Variants in EHD1 observed in about 807,000 individuals in gnomAD.
EHD1 encodes EH domain containing 1.
A neutral mutation model predicts 39.0 loss-of-function variants in EHD1; 19 were observed. That is an observed-to-expected ratio of 0.49 (90% confidence interval 0.34 to 0.72). The LOEUF (loss-of-function observed/expected upper bound fraction) is 0.72, where lower values mean the gene tolerates loss of function less well. Among genes scored for constraint, EHD1 ranks in the 30% least tolerant of loss-of-function variants. EHD1 has a pLI of 0.01. For missense variants in EHD1, 542 were observed against 751.5 expected, an observed-to-expected ratio of 0.72 and a Z score of 3.26; for synonymous variants, 323 against 331.2, an observed-to-expected ratio of 0.98 and a Z score of 0.27.
intron 2 of EHD1, among the ~76,000 whole-genome samples, chr11:64,869,505 A>G (rs959865651): frequency 5.3e-5 from 8 of 152,238 alleles, no homozygotes; most frequent in African/African-American, 1.9e-4. Context: ...TCTCTTGACT[A>G]TGAACCAGCT....
At chr11:64,856,469 C>A (rs1943654804) in intron 3 of EHD1, 1 of 152,310 alleles carries the variant, frequency 6.6e-6, no homozygotes, top group Non-Finnish European at 1.5e-5. Context: ...CAGGGCGGCA[C>A]CCCCTTCATT....
rs562476949 is a variant in EHD1 at position 64,854,078 on chromosome 11, C to T, written c.*255G>A. 52 of 635,070 alleles carry T rather than the reference C, an allele frequency of 8.2e-5. No individual in the cohort carries two copies. The highest frequency in any genetic ancestry group is 1.1e-4 in the Non-Finnish European group (44 of 384,308). 39.3% of individuals were successfully genotyped at this position (635,070 alleles called of 1,614,324 possible). On this transcript the variant is annotated 3_prime_UTR_variant, in exon 5 of 5. Coordinates refer to ENST00000320631, the MANE Select transcript of EHD1 (RefSeq NM_006795.4). The stretch of plus-strand genomic sequence containing the variant: ...CAGGGCTGGCACACAGGGGAGGCGG[C>T]GACAAAGAACGCAGCCTCTAACGTT...
chr11:64,877,978 G>A (rs1204004201), intron 1 of EHD1, 83 bp downstream of exon 1: 1 of 1,374,890 alleles, frequency 7.3e-7, no homozygotes, highest in Non-Finnish European at 9.5e-7. Context: ...GGACGGCGGG[G>A]CGACAGCCAC....
At chr11:64,861,274 A>C (rs1442763661) in intron 2 of EHD1, among the ~76,000 whole-genome samples, 3 of 152,022 alleles carry the variant, frequency 2.0e-5, no homozygotes, top group Admixed American at 2.0e-4. Context: ...CCCCCACCAT[A>C]ACACTCCCCA....
chr11:64,855,343 G>C lies in EHD1; in HGVS notation c.1059C>G (p.Phe353Leu). 6.2e-7 allele frequency: 1 copy of C among 1,614,028 alleles called. No homozygotes were observed. The highest frequency in any genetic ancestry group is 1.1e-5 in the South Asian group (1 of 91,086). Residue 353 changes from phenylalanine to leucine, a missense_variant, in exon 4 of 5, where the codon TTC becomes TTG. By Grantham distance (22) the Phe-to-Leu change is conservative. Transcript: ENST00000320631. ...GTACCTGCATCTTGCGGAGGCTCGG[G>C]AAGTCCCCAGGGGAGATCTGGTGCT... Reference protein sequence around the residue: ...EREHQISPGDFPSLRKMQELL... With the variant: ...EREHQISPGDLPSLRKMQELL...
intron 2 of EHD1, among the ~76,000 whole-genome samples, chr11:64,872,375 C>T (rs1484686556): frequency 2.6e-5 from 4 of 152,112 alleles, no homozygotes; most frequent in Admixed American, 1.3e-4. Flanking sequence ...GTGGGAGGAT[C>T]GCTTGAACCA....
In EHD1 at chr11:64,868,256, C is replaced by T. The variant is rs1347390159; in HGVS notation, c.502+6165G>A. 1.4e-4 allele frequency among the ~76,000 whole-genome samples: 22 copies of T among 152,330 alleles called. No individual in the cohort carries two copies. Among genetic ancestry groups the T allele is most frequent in the African/African-American group, 7.2e-5 (3 of 41,564 alleles). ...AGCTCTCCATCACACAGGTTTCCAA[C>T]GCGTGCTGGGCCTCGTTCCTGGGCT... On this transcript the variant is annotated intron_variant, in intron 2 of 4. Transcript: ENST00000320631. This position sits in a 1 kb window ranked among gnomAD's most constrained non-coding sequence, Gnocchi z 4.2.
rs1261318349 is a variant in EHD1 at position 64,860,335 on chromosome 11, G to C, written c.504C>G (p.Gly168=). ...ACTCCAGGACGGCTGCAAAGTCATA[G>C]CCTGGGGGGAAGAGAAGGGAGAGCT... The part of the protein sequence containing the change: ...LSGEKQRISR[G]YDFAAVLEWF... The change falls in exon 3 of 5, where the codon GGC becomes GGG. Residue 168 remains glycine (G), a splice_region_variant and synonymous_variant. Coordinates refer to ENST00000320631, the MANE Select transcript of EHD1 (RefSeq NM_006795.4). 2.5e-6 allele frequency: 4 copies of C among 1,607,640 alleles called. No homozygotes were observed. In the Admixed American group the frequency reaches 6.7e-5, roughly 27 times the overall value.
chr11:64,866,909 A>G (rs1332175757), intron 2 of EHD1, among the ~76,000 whole-genome samples: 2 of 152,122 alleles, frequency 1.3e-5, no homozygotes, highest in African/African-American at 4.8e-5. Context: ...AAGTGCACAG[A>G]AAAGGAATAT....
chr11:64,860,197 G>C lies in EHD1; in HGVS notation c.642C>G (p.Ile214Met). Residue 214 changes from isoleucine to methionine, a missense_variant, in exon 3 of 5, where the codon ATC becomes ATG. Coordinates refer to ENST00000320631, the MANE Select transcript of EHD1 (RefSeq NM_006795.4). ...GGTCTGCCTTGTTCAGCACCACGCG[G>C]ATCTTGTCCTCATGGTTCTTCAGAG... Reference protein sequence around the residue: ...IKALKNHEDKIRVVLNKADQI... With the variant: ...IKALKNHEDKMRVVLNKADQI... The C allele has an allele frequency of 6.2e-7, 1 of 1,614,158 alleles. No homozygotes were observed. The highest frequency in any genetic ancestry group is 8.5e-7 in the Non-Finnish European group (1 of 1,180,042).
intron 2 of EHD1, among the ~76,000 whole-genome samples, chr11:64,866,029 A>T (rs2136488815): frequency 6.6e-6 from 1 of 152,340 alleles, no homozygotes; most frequent in South Asian, 2.1e-4. Flanking sequence ...AGGAAGAGAA[A>T]TCATTCTGCC....
chr11:64,861,718 T>G (rs1943718510), intron 2 of EHD1, among the ~76,000 whole-genome samples: 1 of 152,134 alleles, frequency 6.6e-6, no homozygotes, highest in Non-Finnish European at 1.5e-5. Flanking sequence ...ACAGAAACTA[T>G]AAGGTCTGCA....
At chr11:64,879,445 G>A (rs1041072418), upstream of EHD1, among the ~76,000 whole-genome samples, 3 of 152,196 alleles carry the variant, frequency 2.0e-5, no homozygotes, top group Non-Finnish European at 4.4e-5. Context: ...GTATTGGGAA[G>A]TGAAATCGGA....
rs1342740999 is a variant in EHD1 at position 64,854,223 on chromosome 11, G to A, written c.*110C>T. On this transcript the variant is annotated 3_prime_UTR_variant, in exon 5 of 5. Transcript: ENST00000320631. ...GGTGGTTTTCCTTTTCGAGAGGCGA[G>A]GAAACATCCGCTCAGTCTTTATGGA... The A allele has an allele frequency of 2.8e-6, 4 of 1,437,310 alleles. No homozygotes were observed. Among genetic ancestry groups the A allele is most frequent in the Non-Finnish European group, 2.7e-6 (3 of 1,096,966 alleles). The allele number at this position is 1,437,310 out of a possible 1,614,324, so 89.0% of individuals were successfully genotyped here.
chr11:64,867,592 G>A (rs1026503852), intron 2 of EHD1, among the ~76,000 whole-genome samples: 6 of 152,060 alleles, frequency 3.9e-5, no homozygotes, highest in African/African-American at 7.2e-5. Context: ...GGTGGCAGGC[G>A]CCTGTAATCC....
At position 64,854,630 on chromosome 11, in the gene EHD1, G is replaced by C; in HGVS notation, c.1308C>G (p.Asp436Glu). 6.2e-7 allele frequency: 1 copy of C among 1,613,934 alleles called. No homozygotes were observed. The highest frequency in any genetic ancestry group is 1.3e-5 in the African/African-American group (1 of 75,024). The part of the protein sequence containing the change: ...YGEGAGEGID[D>E]VEWVVGKDKP... Reference sequence around the variant, plus strand: ...TGTCCTTGCCCACCACCCACTCCACGTCGTCGATGCCCTCGCCGGCCCCCT... The same window carrying C: ...TGTCCTTGCCCACCACCCACTCCACCTCGTCGATGCCCTCGCCGGCCCCCT... The change falls in exon 5 of 5, where the codon GAC becomes GAG. Residue 436 changes from aspartate (D) to glutamate (E), a missense_variant. Physicochemically the swap from Asp to Glu is conservative, Grantham distance 45. Coordinates refer to ENST00000320631, the MANE Select transcript of EHD1 (RefSeq NM_006795.4).
At chr11:64,864,599 G>A (rs1238178564) in intron 2 of EHD1, among the ~76,000 whole-genome samples, 1 of 152,246 alleles carries the variant, frequency 6.6e-6, no homozygotes, top group African/African-American at 2.4e-5. Flanking sequence ...CCAGCTCTGG[G>A]AACGCAGGTC....
In EHD1 at chr11:64,851,707, TG is replaced by T. The variant is rs1267043149; in HGVS notation, c.*2625del. The T allele has an allele frequency of 6.6e-6, 1 of 151,966 alleles. No homozygotes were observed. Among genetic ancestry groups the T allele is most frequent in the Non-Finnish European group, 1.5e-5 (1 of 67,992 alleles). The allele number at this position is 151,966 out of a possible 1,614,324, so 9.4% of individuals were successfully genotyped here. ...CCTGAGTACAGCTGCAGTCTAAGGG[TG>T]GGGTTGGGGGGATCTACCGTTTTTT... On this transcript the variant is annotated 3_prime_UTR_variant, in exon 5 of 5. Coordinates refer to ENST00000320631, the MANE Select transcript of EHD1 (RefSeq NM_006795.4).
intron 4 of EHD1, 168 bp downstream of exon 4, chr11:64,855,154 C>T: frequency 8.7e-7 from 1 of 1,154,864 alleles, no homozygotes; most frequent in Admixed American, 2.9e-5. Flanking sequence ...TGCAGTGTCA[C>T]CGCCTGGGTC....
Sources: allele counts gnomAD v4.1 joint callset (sites outside exome capture counted in the v4.1 genomes callset), GRCh38; gene constraint gnomAD v4.1.1; non-coding constraint Gnocchi (gnomAD v3.1); transcripts MANE v1.5; gene names NCBI Gene and HGNC (gene_info 2026-07-23, HGNC 2026-07-21).